RNF213: variants seen among roughly 807,000 people sequenced by gnomAD.
RNF213 encodes ring finger protein 213, also known as E3 ubiquitin-protein ligase RNF213.
A neutral mutation model predicts 514.4 loss-of-function variants in RNF213; 341 were observed. The observed-to-expected ratio is 0.66, with a 90% CI of 0.61 to 0.73. The LOEUF (loss-of-function observed/expected upper bound fraction) is 0.73, where lower values mean the gene tolerates loss of function less well. RNF213 is among the 30% of genes least tolerant of loss of function. The pLI, the probability that RNF213 is intolerant of heterozygous loss-of-function variation, is 0.00. For synonymous variants in RNF213, 2,655 were observed against 2,658.2 expected (o/e 1.00, Z 0.04); for missense variants, 5,767 against 6,615.6 (o/e 0.87, Z 4.45).
At chr17:80,375,321 G>C (rs2144544751) in intron 50 of RNF213, among the ~76,000 whole-genome samples, 1 of 152,322 alleles carries the variant, frequency 6.6e-6, no homozygotes, top group Non-Finnish European at 1.5e-5. Context: ...CCTGGAAAAG[G>C]CTCCTTCCCT....
intron 6 of RNF213, 83 bp from the exon 7 acceptor site, chr17:80,290,485 ACG>A: frequency 6.6e-7 from 1 of 1,523,646 alleles, no homozygotes; most frequent in Non-Finnish European, 9.1e-7. Flanking sequence ...GTGTGTGCGC[ACG>A]TGTGTGTGTG....
rs906213655 is a variant in RNF213, at chr17:80,289,740, C to G, written c.1015C>G (p.Leu339Val). ...GKNEQGEPED[L>V]KKPEGKNRSA... Reference sequence around the variant, plus strand: ...GAATGAACAAGGGGAGCCTGAAGACCTCAAGAAGCCAGAGGGGAAGAACAG... The same window carrying G: ...GAATGAACAAGGGGAGCCTGAAGACGTCAAGAAGCCAGAGGGGAAGAACAG... Residue 339 changes from leucine to valine, a missense_variant, in exon 6 of 68, where the codon CTC becomes GTC. Leu to Val is a conservative substitution (Grantham distance 32). This residue lies in a region of RNF213 where 509 missense variants were observed against 496.7 expected (regional missense o/e 1.02). Transcript: ENST00000582970. 1 of 1,613,930 alleles carries G rather than the reference C, an allele frequency of 6.2e-7. No homozygotes were observed. Among genetic ancestry groups the G allele is most frequent in the African/African-American group, 1.3e-5 (1 of 74,894 alleles).
At chr17:80,382,370 G>A (rs1339770488) in intron 57 of RNF213, 1 of 157,210 alleles carries the variant, frequency 6.4e-6, no homozygotes, top group Non-Finnish European at 1.4e-5. Context: ...AATGACCATT[G>A]TGAGGACAAT....
chr17:80,262,277 C>T (rs2043450460), intron 1 of RNF213, among the ~76,000 whole-genome samples: 1 of 151,988 alleles, frequency 6.6e-6, no homozygotes, highest in Non-Finnish European at 1.5e-5. Flanking sequence ...TAATTTTAGT[C>T]TCTGGAATAA....
At chr17:80,274,425 A>G (rs1398369459) in intron 3 of RNF213, among the ~76,000 whole-genome samples, 1 of 149,380 alleles carries the variant, frequency 6.7e-6, no homozygotes, top group African/African-American at 2.5e-5. Context: ...GGGAAGACCC[A>G]GAGGGCAGTG....
In RNF213 at chr17:80,372,098, G is replaced by T; in HGVS notation, c.12537+113G>T. On this transcript the variant is annotated intron_variant, in intron 47 of 67. Transcript: ENST00000582970. ...ATAATTAACGAATGCTCTGTTCCGT[G>T]CAGAAAAGAAGAAAGGTTTCAAAGA... 3 of 734,468 alleles carry T rather than the reference G, an allele frequency of 4.1e-6. No individual in the cohort carries two copies. In the South Asian group the frequency reaches 4.6e-5, roughly 11 times the overall value. The allele number at this position is 734,468 out of a possible 1,614,324, so 45.5% of individuals were successfully genotyped here.
rs762678361 is a variant in RNF213, at chr17:80,373,111, C to T, written c.12888C>T (p.Ser4296=). 1 of 1,613,544 alleles carries T rather than the reference C, an allele frequency of 6.2e-7. No homozygotes were observed. The highest frequency in any genetic ancestry group is 8.5e-7 in the Non-Finnish European group (1 of 1,179,992). ...QRGMEFVQGL[S]KPGRPHQWVF... ...GGATGGAGTTCGTGCAGGGCCTCTC[C>T]AAGCCCGGCCGCCCGCACCAGTGGG... is the stretch of plus-strand genomic sequence containing the variant. The change falls in exon 49 of 68, where the codon TCC becomes TCT. Residue 4296 remains serine, a synonymous_variant. Coordinates refer to ENST00000582970, the MANE Select transcript of RNF213 (RefSeq NM_001256071.3).
Position 80,339,416 on chromosome 17 carries a change from C to A in RNF213, c.5049C>A (p.Phe1683Leu). Residue 1683 changes from phenylalanine (F) to leucine (L), a missense_variant, in exon 26 of 68, where the codon TTC (phenylalanine) becomes TTA (leucine). By Grantham distance (22) the Phe-to-Leu change is conservative (BLOSUM62 0). Transcript: ENST00000582970. ...LAALCRQMEHFLDSWKRFVTQ... is the reference protein window; with the variant it reads ...LAALCRQMEHLLDSWKRFVTQ... ...CCCTCTGCAGGCAGATGGAGCACTT[C>A]CTTGACAGCTGGAAGAGATTTGTGA... 1 of 1,537,254 alleles carries A rather than the reference C, an allele frequency of 6.5e-7. No homozygotes were observed. Among genetic ancestry groups the A allele is most frequent in the Admixed American group, 2.0e-5 (1 of 51,008 alleles).
At position 80,363,764 on chromosome 17, in the gene RNF213, G is replaced by A. The variant is rs757156944; in HGVS notation, c.11724G>A (p.Leu3908=). ...SDEHMQGSGS[L]AQAVIREVRA... ...AGCACATGCAAGGCAGCGGGAGCCT[G>A]GCCCAGGCTGTCATCAGGGAAGTCA... Residue 3908 remains leucine (L), a synonymous_variant, in exon 41 of 68, where the codon CTG becomes CTA. Transcript: ENST00000582970. The A allele has an allele frequency of 6.8e-6, 11 of 1,613,434 alleles. No homozygotes were observed. The highest frequency in any genetic ancestry group is 9.3e-6 in the Non-Finnish European group (11 of 1,180,004).
chr17:80,372,652 T>G lies in RNF213; in HGVS notation c.12669T>G (p.Val4223=), dbSNP rs2079561998. Reference sequence around the variant, plus strand: ...GAGAGCCTGCCAACGAGGCCTCGGTTGAATACCTGCAAGAGGTGGCCCGGA... The same window carrying G: ...GAGAGCCTGCCAACGAGGCCTCGGTGGAATACCTGCAAGAGGTGGCCCGGA... ...RGREPANEAS[V]EYLQEVARIR... is the part of the protein sequence containing the mutation. Residue 4223 remains valine (V), a synonymous_variant, in exon 48 of 68, where the codon GTT becomes GTG. Coordinates refer to ENST00000582970, the MANE Select transcript of RNF213 (RefSeq NM_001256071.3). 8.1e-6 allele frequency: 13 copies of G among 1,613,902 alleles called. No individual in the cohort carries two copies. The highest frequency in any genetic ancestry group is 1.0e-5 in the Non-Finnish European group (12 of 1,180,022).
At position 80,317,042 on chromosome 17, in the gene RNF213, T is replaced by C; in HGVS notation, c.2812-146T>C. The C allele has an allele frequency of 1.1e-6, 1 of 905,224 alleles. No individual in the cohort carries two copies. The highest frequency in any genetic ancestry group is 1.8e-6 in the Non-Finnish European group (1 of 562,566). The allele number at this position is 905,224 out of a possible 1,614,324, so 56.1% of individuals were successfully genotyped here. A position where few individuals can be genotyped will look rare whatever the true frequency, so the allele number is the denominator to read the frequency against. On this transcript the variant is annotated intron_variant, in intron 15 of 67. Transcript: ENST00000582970. This position sits in a 1 kb window ranked among gnomAD's most constrained non-coding sequence, Gnocchi z 4.1. ...GTGACCGGCCACTAGCATGGCTGAC[T>C]GTTGATGAAGGTTGGGGAGAGCCCT... is the stretch of plus-strand genomic sequence containing the variant.
chr17:80,315,598 T>TGATGGTGGA (rs1216730735), intron 15 of RNF213: 6 of 1,478 alleles, frequency 4.1e-3, no homozygotes, highest in Non-Finnish European at 6.8e-3. Context: ...GTGGTGGTGG[T>TGATGGTGGA]GGTACTGGAG....
chr17:80,386,554 C>T, intron 62 of RNF213, 124 bp downstream of exon 62: 1 of 1,396,026 alleles, frequency 7.2e-7, no homozygotes, highest in Non-Finnish European at 1.0e-6. Flanking sequence ...GCCGCCCCCA[C>T]CAGTGACCCG....
rs1490482857 is a variant in RNF213, at chr17:80,298,573, T to C, written c.2210+55T>C. The C allele has an allele frequency of 5.0e-6, 8 of 1,597,890 alleles. No homozygotes were observed. In the South Asian group the frequency reaches 6.6e-5, roughly 13 times the overall value. Reference sequence around the variant, plus strand: ...GAATCTGGGAAGACTGACTCCTACATTGTGCACCCGGAGTCCCGGTGGGCT... The same window carrying C: ...GAATCTGGGAAGACTGACTCCTACACTGTGCACCCGGAGTCCCGGTGGGCT... On this transcript the variant is annotated intron_variant, in intron 11 of 67. Transcript: ENST00000582970.
At position 80,377,704 on chromosome 17, in the gene RNF213, C is replaced by T; in HGVS notation, c.13511-58C>T. On this transcript the variant is annotated intron_variant, in intron 53 of 67. Coordinates refer to ENST00000582970, the MANE Select transcript of RNF213 (RefSeq NM_001256071.3). The surrounding 1 kb of genome is among the most constrained non-coding windows in gnomAD (Gnocchi z 4.1). ...GAGTAGAGAGTTAGCTTTCCCTTTTCAATGTGGGTCATTGGGTGAAACCTC... is the reference window on the plus strand; with the variant it reads ...GAGTAGAGAGTTAGCTTTCCCTTTTTAATGTGGGTCATTGGGTGAAACCTC... The T allele has an allele frequency of 6.3e-7, 1 of 1,592,834 alleles. No homozygotes were observed. Among genetic ancestry groups the T allele is most frequent in the East Asian group, 2.2e-5 (1 of 44,804 alleles).
Position 80,353,229 on chromosome 17 carries a change from G to A in RNF213, c.10423+170G>A. On this transcript the variant is annotated intron_variant, in intron 33 of 67. Transcript: ENST00000582970. This position sits in a 1 kb window ranked among gnomAD's most constrained non-coding sequence, Gnocchi z 5.0. ...ACTGGTGGCTCATCATAGAGCACCA[G>A]GGCCGAGCAGGTGCGCTTACCACAG... The A allele has an allele frequency of 1.1e-6, 1 of 951,004 alleles. No individual in the cohort carries two copies. Among genetic ancestry groups the A allele is most frequent in the Middle Eastern group, 2.1e-4 (1 of 4,722 alleles). 58.9% of individuals were successfully genotyped at this position (951,004 alleles called of 1,614,324 possible). A position where few individuals can be genotyped will look rare whatever the true frequency, so the allele number is the denominator to read the frequency against.
At chr17:80,282,351 C>T (rs541149137) in intron 3 of RNF213, among the ~76,000 whole-genome samples, 4 of 152,078 alleles carry the variant, frequency 2.6e-5, no homozygotes, top group South Asian at 4.2e-4. Context: ...TGCAGAGGGC[C>T]GACTGTATAC....
Position 80,348,023 on chromosome 17 carries a change from G to A in RNF213, c.9688G>A (p.Val3230Met), listed in dbSNP as rs1433591713. Residue 3230 changes from valine to methionine, a missense_variant, in exon 29 of 68, where the codon GTG (valine) becomes ATG (methionine). This residue lies in a region of RNF213 where 919 missense variants were observed against 1,121.0 expected (regional missense o/e 0.82). Transcript: ENST00000582970. Reference sequence around the variant, plus strand: ...CCACTCGGACGCCTGCGCGTCTGTGGTGCTGCAGGTCATAGAGAGGCAGGG... The same window carrying A: ...CCACTCGGACGCCTGCGCGTCTGTGATGCTGCAGGTCATAGAGAGGCAGGG... Reference protein sequence around the residue: ...GYHSDACASVVLQVIERQGPR... With the variant: ...GYHSDACASVMLQVIERQGPR... 13 of 1,614,118 alleles carry A rather than the reference G, an allele frequency of 8.1e-6. No homozygotes were observed. The highest frequency in any genetic ancestry group is 1.1e-5 in the Non-Finnish European group (13 of 1,180,060).
rs568240235 is a variant in RNF213, at chr17:80,372,621, G to A, written c.12638G>A (p.Arg4213Gln). The A allele has an allele frequency of 2.7e-5, 44 of 1,614,012 alleles. No homozygotes were observed. Among genetic ancestry groups the A allele is most frequent in the Non-Finnish European group, 3.3e-5 (39 of 1,179,998 alleles). Residue 4213 changes from arginine to glutamine, a missense_variant, in exon 48 of 68, where the codon CGG becomes CAG. This residue lies in a region of RNF213 where 1,245 missense variants were observed against 1,339.0 expected (regional missense o/e 0.93). Transcript: ENST00000582970. ...CTTAAGGCATATTCTCCAGCAAGCC[G>A]GGGCCGAGAGCCTGCCAACGAGGCC... ...RFLKAYSPAS[R>Q]GREPANEASV...
Sources: allele counts gnomAD v4.1 joint callset (sites outside exome capture counted in the v4.1 genomes callset), GRCh38; gene constraint gnomAD v4.1.1; regional missense constraint gnomAD v4.1.1; non-coding constraint Gnocchi (gnomAD v3.1); transcripts MANE v1.5; gene names NCBI Gene and HGNC (gene_info 2026-07-23, HGNC 2026-07-21).